Variants in ST6GALNAC5 observed in about 807,000 individuals in gnomAD.
The protein encoded by ST6GALNAC5 is alpha-N-acetylgalactosaminide alpha-2,6-sialyltransferase 5.
Under a neutral mutation model 33.6 loss-of-function variants are expected in ST6GALNAC5, and 27 were observed. The ratio of observed to expected loss-of-function variants is 0.80; its 90% CI spans 0.59 to 1.11. The LOEUF is 1.11. ST6GALNAC5 is among the 50% of genes least tolerant of loss of function. ST6GALNAC5 has a pLI of 0.00. For synonymous variants in ST6GALNAC5, 194 were observed against 171.2 expected (o/e 1.13, Z -1.04); for missense variants, 428 against 454.0 (o/e 0.94, Z 0.52).
At chr1:76,913,481 G>C (rs933165056) in intron 2 of ST6GALNAC5, among the ~76,000 whole-genome samples, 1 of 151,974 alleles carries the variant, frequency 6.6e-6, no homozygotes, top group African/African-American at 2.4e-5. Context: ...GCTAGATTCG[G>C]GAAGTTCTCC....
intron 4 of ST6GALNAC5, among the ~76,000 whole-genome samples, chr1:77,051,619 C>T (rs564754961): frequency 6.6e-6 from 1 of 152,252 alleles, no homozygotes; most frequent in South Asian, 2.1e-4. Context: ...TGGAACAGTG[C>T]CTAGTAAGTA....
In ST6GALNAC5 at chr1:77,065,863, A is replaced by G. The variant is rs558735577; in HGVS notation, c.*2657A>G. 5.9e-5 allele frequency among the ~76,000 whole-genome samples: 9 copies of G among 152,162 alleles called. No homozygotes were observed. Among genetic ancestry groups the G allele is most frequent in the Non-Finnish European group, 1.2e-4 (8 of 68,036 alleles). ...TAGCTTTTAAGACCACAGTAATACA[A>G]TGCCACAGCTGGTCGATCCATGGCT... is the stretch of plus-strand genomic sequence containing the variant. On this transcript the variant is annotated 3_prime_UTR_variant, in exon 5 of 5. Transcript: ENST00000477717.
chr1:76,923,946 T>A (rs1430273737), intron 2 of ST6GALNAC5, among the ~76,000 whole-genome samples: 1 of 152,176 alleles, frequency 6.6e-6, no homozygotes, highest in East Asian at 1.9e-4. Flanking sequence ...TGCACTTTCC[T>A]GAGCTTTTGC....
chr1:77,038,189 T>C (rs147789685), intron 2 of ST6GALNAC5, among the ~76,000 whole-genome samples: 2 of 152,202 alleles, frequency 1.3e-5, no homozygotes, highest in South Asian at 4.1e-4. Context: ...GAGGTGGCAT[T>C]CACTGGGTGG....
At chr1:77,053,234 A>G (rs1375763892) in intron 4 of ST6GALNAC5, among the ~76,000 whole-genome samples, 1 of 152,194 alleles carries the variant, frequency 6.6e-6, no homozygotes, top group Non-Finnish European at 1.5e-5. Flanking sequence ...AACATGGTAC[A>G]TGTATCATGA....
rs1415891961 is a variant in ST6GALNAC5 at position 77,058,935 on chromosome 1, C to T, written c.780-4040C>T. On this transcript the variant is annotated intron_variant, in intron 4 of 4. Transcript: ENST00000477717. ...TGTAAAGGAGATCACATCAGTTAAG[C>T]GCAGAAGCTGAGCAGGTACTTACAA... Among the ~76,000 whole-genome samples the T allele has an allele frequency of 4.6e-5, 7 of 152,176 alleles. No homozygotes were observed. The East Asian group carries it at 9.6e-4, about 21-fold the overall frequency.
Position 77,026,434 on chromosome 1 carries a change from G to A in ST6GALNAC5, c.262-17770G>A, listed in dbSNP as rs78608630. On this transcript the variant is annotated intron_variant, in intron 2 of 4. Coordinates refer to ENST00000477717, the MANE Select transcript of ST6GALNAC5 (RefSeq NM_030965.3). ...CATCCTGGCTGGTCAGTCTTTGTGT[G>A]GAGCTGGGACTGATTCATCTCAGGG... Among the ~76,000 whole-genome samples the A allele has an allele frequency of 7.9e-4, 120 of 152,314 alleles. 3 individuals carry two copies. In the East Asian group the frequency reaches 0.02, roughly 25 times the overall value.
intron 2 of ST6GALNAC5, among the ~76,000 whole-genome samples, chr1:76,871,637 T>C (rs1305537566): frequency 1.3e-5 from 2 of 152,192 alleles, no homozygotes; most frequent in Non-Finnish European, 2.9e-5. Context: ...TGTGCTTTTG[T>C]TGAAATATAT....
At chr1:76,987,958 A>G (rs1399514810) in intron 2 of ST6GALNAC5, among the ~76,000 whole-genome samples, 1 of 152,088 alleles carries the variant, frequency 6.6e-6, no homozygotes, top group Non-Finnish European at 1.5e-5. Context: ...TAGTCCCTCA[A>G]ATATGTTTTC....
At chr1:77,019,123 G>A (rs1650958766) in intron 2 of ST6GALNAC5, among the ~76,000 whole-genome samples, 1 of 152,220 alleles carries the variant, frequency 6.6e-6, no homozygotes, top group Non-Finnish European at 1.5e-5. Flanking sequence ...ATATGCTTTA[G>A]ATGCCAGGGC....
chr1:77,018,614 A>G (rs998571744), intron 2 of ST6GALNAC5, among the ~76,000 whole-genome samples: 1 of 152,168 alleles, frequency 6.6e-6, no homozygotes, highest in Non-Finnish European at 1.5e-5. Flanking sequence ...GGCTCTGGGA[A>G]TCTGGCCTCA....
At chr1:76,979,301 C>G (rs1649151956) in intron 2 of ST6GALNAC5, among the ~76,000 whole-genome samples, 1 of 152,074 alleles carries the variant, frequency 6.6e-6, no homozygotes, top group Non-Finnish European at 1.5e-5. Context: ...GCAGAAGACT[C>G]TGAATACTCA....
At chr1:77,030,669 A>G (rs989632321) in intron 2 of ST6GALNAC5, among the ~76,000 whole-genome samples, 4 of 152,246 alleles carry the variant, frequency 2.6e-5, no homozygotes, top group African/African-American at 4.8e-5. Flanking sequence ...AGATCTACTA[A>G]TGTGCTTAAG....
intron 2 of ST6GALNAC5, among the ~76,000 whole-genome samples, chr1:76,951,869 A>G (rs1647763119): frequency 6.6e-6 from 1 of 152,158 alleles, no homozygotes; most frequent in Admixed American, 6.6e-5. Flanking sequence ...ATGAATGAAT[A>G]TAGTCCCAAA....
At chr1:76,878,564 C>G (rs530675224) in intron 2 of ST6GALNAC5, among the ~76,000 whole-genome samples, 1 of 152,144 alleles carries the variant, frequency 6.6e-6, no homozygotes, top group Non-Finnish European at 1.5e-5. Context: ...AAAAGGCTGG[C>G]GATCTCCTGG....
At chr1:76,880,439 T>A (rs896160686) in intron 2 of ST6GALNAC5, among the ~76,000 whole-genome samples, 1 of 152,158 alleles carries the variant, frequency 6.6e-6, no homozygotes, top group Non-Finnish European at 1.5e-5. Flanking sequence ...TCTAGAGAGA[T>A]AGAACTAATA....
intron 2 of ST6GALNAC5, among the ~76,000 whole-genome samples, chr1:76,998,012 C>T (rs750236673): frequency 4.6e-5 from 7 of 152,286 alleles, no homozygotes; most frequent in African/African-American, 7.2e-5. Context: ...CCCCTTTTCT[C>T]AGCACTCATC....
At chr1:76,960,349 G>A (rs1004117670) in intron 2 of ST6GALNAC5, among the ~76,000 whole-genome samples, 9 of 152,108 alleles carry the variant, frequency 5.9e-5, no homozygotes, top group African/African-American at 2.2e-4. Flanking sequence ...TATGAATAGG[G>A]TGTGGGTTAC....
chr1:77,042,858 C>T (rs1441321151), intron 2 of ST6GALNAC5, among the ~76,000 whole-genome samples: 2 of 152,032 alleles, frequency 1.3e-5, no homozygotes, highest in Non-Finnish European at 2.9e-5. Context: ...AAAACTGAGA[C>T]TTGTGGAGGT....
Sources: gnomAD v4.1 joint callset for allele counts (sites outside exome capture counted in the v4.1 genomes callset) on GRCh38, gnomAD v4.1.1 for gene constraint, MANE v1.5 for transcripts, NCBI Gene and HGNC (gene_info 2026-07-23, HGNC 2026-07-21) for gene names.